Variants in CDC42BPA observed in about 807,000 individuals in gnomAD.
CDC42BPA encodes serine/threonine-protein kinase MRCK alpha.
CDC42BPA carries 80 observed loss-of-function variants against 223.5 expected under a neutral mutation model. The observed-to-expected ratio is 0.36, with a 90% CI of 0.30 to 0.43. The LOEUF is 0.43. CDC42BPA is among the 20% of genes least tolerant of loss of function. The pLI, the probability that CDC42BPA is intolerant of heterozygous loss-of-function variation, is 1.00. For synonymous variants in CDC42BPA, 694 were observed against 718.6 expected (o/e 0.97, Z 0.55); for missense variants, 1,743 against 2,099.9 (o/e 0.83, Z 3.32).
In CDC42BPA at chr1:227,233,328, C is replaced by T. The variant is rs551047863; in HGVS notation, c.271-20109G>A. Reference sequence around the variant, plus strand: ...CTAGGATTACAGGCATGAGCCACCACGCCCGGCCTCTATTTCTTTTCTTAA... The same window carrying T: ...CTAGGATTACAGGCATGAGCCACCATGCCCGGCCTCTATTTCTTTTCTTAA... On this transcript the variant is annotated intron_variant, in intron 2 of 36. Transcript: ENST00000366766. 3.3e-5 allele frequency among the ~76,000 whole-genome samples: 5 copies of T among 152,226 alleles called. No individual in the cohort carries two copies. The South Asian group carries it at 6.2e-4, about 19-fold the overall frequency.
chr1:227,288,183 G>A lies in CDC42BPA; in HGVS notation c.178+28822C>T, dbSNP rs541727184. ...CAAATCTTCTCTTCTCTCACTAAAT[G>A]TCTAATCACCCATTATTTCCCAATA... is the stretch of plus-strand genomic sequence containing the variant. On this transcript the variant is annotated intron_variant, in intron 1 of 36. Transcript: ENST00000366766. 4.6e-5 allele frequency among the ~76,000 whole-genome samples: 7 copies of A among 152,174 alleles called. No individual in the cohort carries two copies. In the South Asian group the frequency reaches 1.5e-3, roughly 32 times the overall value.
intron 2 of CDC42BPA, among the ~76,000 whole-genome samples, chr1:227,222,382 C>T (rs1303332910): frequency 6.6e-6 from 1 of 151,446 alleles, no homozygotes; most frequent in Non-Finnish European, 1.5e-5. Context: ...ACCTGTAGTC[C>T]CAGCTACTCG....
At chr1:227,270,265 A>G (rs1037188654) in intron 1 of CDC42BPA, among the ~76,000 whole-genome samples, 2 of 152,210 alleles carry the variant, frequency 1.3e-5, no homozygotes, top group Non-Finnish European at 2.9e-5. Context: ...TAAATACTTA[A>G]GTAAATGCAT....
At chr1:227,085,010 G>A (rs528927069) in intron 16 of CDC42BPA, among the ~76,000 whole-genome samples, 1 of 152,300 alleles carries the variant, frequency 6.6e-6, no homozygotes, top group South Asian at 2.1e-4. Flanking sequence ...GACCTGAAAC[G>A]AGGCAGAAGC....
Position 227,105,606 on chromosome 1 carries a change from G to A in CDC42BPA, c.2002-4367C>T, listed in dbSNP as rs557755065. On this transcript the variant is annotated intron_variant, in intron 14 of 36. Transcript: ENST00000366766. Reference sequence around the variant, plus strand: ...TGGGCTCAAGTAATCCTCCTGCTTCGGCCTCCCAAAGTGCTGGGATTACAG... The same window carrying A: ...TGGGCTCAAGTAATCCTCCTGCTTCAGCCTCCCAAAGTGCTGGGATTACAG... Among the ~76,000 whole-genome samples the A allele has an allele frequency of 1.4e-3, 211 of 151,906 alleles. 1 individual carries two copies. Among genetic ancestry groups the A allele is most frequent in the African/African-American group, 4.7e-3 (196 of 41,442 alleles).
intron 12 of CDC42BPA, among the ~76,000 whole-genome samples, chr1:227,113,540 CA>C (rs1687273403): frequency 6.6e-6 from 1 of 151,878 alleles, no homozygotes; most frequent in Non-Finnish European, 1.5e-5. Context: ...ACAACAAAAA[CA>C]ATAAAAATAA....
At chr1:227,221,194 A>C (rs1675835382) in intron 2 of CDC42BPA, among the ~76,000 whole-genome samples, 2 of 152,086 alleles carry the variant, frequency 1.3e-5, no homozygotes, top group Admixed American at 6.5e-5. Context: ...ATACTTCTCT[A>C]ATCTTTCTTT....
At chr1:227,309,263 T>C (rs947974558) in intron 1 of CDC42BPA, among the ~76,000 whole-genome samples, 2 of 151,880 alleles carry the variant, frequency 1.3e-5, no homozygotes, top group Non-Finnish European at 2.9e-5. Context: ...ATGCTGTCTG[T>C]CTTTAAACAA....
chr1:227,133,180 T>G (rs1657660520), intron 10 of CDC42BPA, among the ~76,000 whole-genome samples: 1 of 146,548 alleles, frequency 6.8e-6, no homozygotes. Flanking sequence ...GGAACCCCTC[T>G]GCCTGGCCGG....
intron 3 of CDC42BPA, among the ~76,000 whole-genome samples, chr1:227,205,445 A>G (rs1457734543): frequency 6.6e-6 from 1 of 151,906 alleles, no homozygotes; most frequent in Non-Finnish European, 1.5e-5. Flanking sequence ...CAGCCTTGTA[A>G]TATGATTTCA....
intron 21 of CDC42BPA, among the ~76,000 whole-genome samples, chr1:227,057,586 T>TC (rs759234944): frequency 6.6e-6 from 1 of 152,296 alleles, no homozygotes; most frequent in African/African-American, 2.4e-5. Context: ...TCTTCAAGCA[T>TC]CTTCACAGGC....
chr1:227,140,550 G>GA (rs1474938248), intron 9 of CDC42BPA, among the ~76,000 whole-genome samples: 1 of 152,060 alleles, frequency 6.6e-6, no homozygotes, highest in Non-Finnish European at 1.5e-5. Context: ...TCACAGCCCA[G>GA]AAAGGAGGCC....
intron 35 of CDC42BPA, among the ~76,000 whole-genome samples, chr1:226,995,857 A>G (rs2148233439): frequency 6.6e-6 from 1 of 152,340 alleles, no homozygotes; most frequent in African/African-American, 2.4e-5. Flanking sequence ...TTGGTCCAAA[A>G]GACTGTGTTG....
At chr1:227,301,708 C>T (rs4344297) in intron 1 of CDC42BPA, among the ~76,000 whole-genome samples, 46,771 of 151,896 alleles carry the variant, frequency 0.31, 7,390 homozygotes, top group East Asian at 0.37. Context: ...TTAAAATTTT[C>T]ATTTTTATCA....
chr1:227,279,090 A>T (rs1481833167), intron 1 of CDC42BPA, among the ~76,000 whole-genome samples: 1 of 151,868 alleles, frequency 6.6e-6, no homozygotes, highest in African/African-American at 2.4e-5. Context: ...CTGAAGGTTA[A>T]ATTAGGATGG....
At chr1:227,022,131 T>C (rs1667497132) in intron 32 of CDC42BPA, among the ~76,000 whole-genome samples, 1 of 152,028 alleles carries the variant, frequency 6.6e-6, no homozygotes, top group African/African-American at 2.4e-5. Context: ...TTTGTCTACT[T>C]AAAATTATTT....
At chr1:227,228,305 T>A (rs896245285) in intron 2 of CDC42BPA, among the ~76,000 whole-genome samples, 1 of 152,246 alleles carries the variant, frequency 6.6e-6, no homozygotes, top group African/African-American at 2.4e-5. Flanking sequence ...TCTGACTTCT[T>A]TCACTCACCA....
intron 20 of CDC42BPA, among the ~76,000 whole-genome samples, chr1:227,071,162 T>C (rs756114306): frequency 2.1e-4 from 32 of 152,042 alleles, no homozygotes; most frequent in Non-Finnish European, 3.8e-4. Flanking sequence ...GCATCGACTA[T>C]TTGTAAAGGC....
chr1:227,172,520 T>C (rs1666266392), intron 5 of CDC42BPA, among the ~76,000 whole-genome samples: 3 of 152,164 alleles, frequency 2.0e-5, no homozygotes, highest in Non-Finnish European at 4.4e-5. Flanking sequence ...ATTCAAATTA[T>C]GTGTAATTAT....
Sources: allele counts gnomAD v4.1 joint callset (sites outside exome capture counted in the v4.1 genomes callset), GRCh38; gene constraint gnomAD v4.1.1; transcripts MANE v1.5; gene names NCBI Gene and HGNC (gene_info 2026-07-23, HGNC 2026-07-21).